ARHGEF37: variants seen among roughly 807,000 people sequenced by gnomAD.
The protein encoded by ARHGEF37 is Rho guanine nucleotide exchange factor (GEF) 37.
ARHGEF37 carries 55 observed loss-of-function variants against 71.1 expected under a neutral mutation model. The ratio of observed to expected loss-of-function variants is 0.77; its 90% CI spans 0.62 to 0.97. The LOEUF is 0.97. ARHGEF37 is among the 50% of genes least tolerant of loss of function. ARHGEF37 has a pLI of 0.00. For missense variants in ARHGEF37, 765 were observed against 836.8 expected, an observed-to-expected ratio of 0.91 and a Z score of 1.06; for synonymous variants, 327 against 350.6, an observed-to-expected ratio of 0.93 and a Z score of 0.75.
intron 2 of ARHGEF37, among the ~76,000 whole-genome samples, chr5:149,598,350 C>T (rs1403573561): frequency 1.0e-5 from 1 of 99,268 alleles, no homozygotes; most frequent in Non-Finnish European, 2.0e-5. Context: ...TCTTCCTCTT[C>T]TTCTTCCTCT....
intron 1 of ARHGEF37, among the ~76,000 whole-genome samples, chr5:149,589,489 G>T (rs1450630035): frequency 6.6e-6 from 1 of 151,860 alleles, no homozygotes; most frequent in African/African-American, 2.4e-5. Flanking sequence ...CACCATGCCT[G>T]GCTAATTTTT....
At chr5:149,568,275 C>A (rs1352095783) in intron 1 of ARHGEF37, among the ~76,000 whole-genome samples, 1 of 152,104 alleles carries the variant, frequency 6.6e-6, no homozygotes, top group African/African-American at 2.4e-5. Context: ...AGTACTCCTG[C>A]CTTGGCCTCC....
chr5:149,627,443 C>T (rs72828312), intron 11 of ARHGEF37, among the ~76,000 whole-genome samples, 172 bp downstream of exon 11: 3 of 152,272 alleles, frequency 2.0e-5, no homozygotes, highest in South Asian at 2.1e-4. Flanking sequence ...AGAGTGACTC[C>T]GTGGGACATG....
chr5:149,624,649 C>CTGTAA (rs5872139), intron 10 of ARHGEF37, among the ~76,000 whole-genome samples: 108,837 of 151,558 alleles, frequency 0.72, 39,394 homozygotes, highest in Middle Eastern at 0.87. Flanking sequence ...TGGTGTGCAC[C>CTGTAA]TCCCAGCTAC....
upstream of ARHGEF37, among the ~76,000 whole-genome samples, chr5:149,578,712 T>A (rs1763053608): frequency 6.6e-6 from 1 of 152,230 alleles, no homozygotes; most frequent in African/African-American, 2.4e-5. Context: ...GAACCCTTTT[T>A]TCTTTGGATT....
intron 1 of ARHGEF37, among the ~76,000 whole-genome samples, chr5:149,562,917 A>T (rs927489880): frequency 2.0e-5 from 3 of 152,134 alleles, no homozygotes; most frequent in African/African-American, 4.8e-5. Context: ...ATTTGACTTA[A>T]ATCATCCCCC....
chr5:149,624,623 A>G (rs1192708631), intron 10 of ARHGEF37, among the ~76,000 whole-genome samples: 2 of 129,662 alleles, frequency 1.5e-5, no homozygotes, highest in African/African-American at 6.2e-5. Context: ...AAAATACAAA[A>G]ATTAGCTGAG....
intron 1 of ARHGEF37, among the ~76,000 whole-genome samples, chr5:149,575,671 ATTTTTTTTT>A (rs751297275): frequency 1.1e-4 from 12 of 107,302 alleles, no homozygotes; most frequent in African/African-American, 3.7e-4. Flanking sequence ...CCAAATGACT[ATTTTTTTTT>A]TTTTTTTTTT....
chr5:149,626,789 G>C (rs528312188), intron 10 of ARHGEF37: 2 of 273,612 alleles, frequency 7.3e-6, no homozygotes, highest in Admixed American at 4.9e-5. Context: ...GGTATGGGCA[G>C]AATTTAGGGC....
chr5:149,620,691 C>T (rs1752515153), intron 8 of ARHGEF37, among the ~76,000 whole-genome samples: 1 of 151,970 alleles, frequency 6.6e-6, no homozygotes, highest in South Asian at 2.1e-4. Flanking sequence ...ATTAGCCGGG[C>T]ATGGCAGTGT....
chr5:149,586,082 A>G (rs1763229521), intron 1 of ARHGEF37, among the ~76,000 whole-genome samples: 1 of 152,240 alleles, frequency 6.6e-6, no homozygotes, highest in African/African-American at 2.4e-5. Flanking sequence ...TAATAGACAC[A>G]TGATCCCTGC....
intron 2 of ARHGEF37, among the ~76,000 whole-genome samples, chr5:149,598,366 T>TTCTTCC (rs1025650872): frequency 3.5e-5 from 4 of 115,154 alleles, no homozygotes; most frequent in Non-Finnish European, 5.6e-5. Context: ...CCTCTTCCTC[T>TTCTTCC]TCTTCCTCTT....
Position 149,618,939 on chromosome 5 carries a change from C to A in ARHGEF37, c.791C>A (p.Thr264Lys), listed in dbSNP as rs1481611566. The change falls in exon 7 of 13, where the codon ACA becomes AAA. Residue 264 changes from threonine (T) to lysine (K), a missense_variant and splice_region_variant. Transcript: ENST00000333677. ...AACCCTCACACACATTACTTTCAGA[C>A]AGAAGACAAGGAATTTGATGATTTA... ...LKQEAGLIPR[T>K]EDKEFDDLEE... The A allele has an allele frequency of 3.1e-6, 5 of 1,612,732 alleles. No homozygotes were observed. The highest frequency in any genetic ancestry group is 3.3e-5 in the Admixed American group (2 of 60,000).
intron 5 of ARHGEF37, 82 bp from the exon 6 acceptor site, chr5:149,618,094 G>T: frequency 1.3e-6 from 2 of 1,576,212 alleles, no homozygotes; most frequent in Non-Finnish European, 1.7e-6. Context: ...GCCCAAGCAG[G>T]TGCCCAGCCG....
At chr5:149,615,029 G>A (rs866987011) in intron 4 of ARHGEF37, among the ~76,000 whole-genome samples, 13 of 152,202 alleles carry the variant, frequency 8.5e-5, no homozygotes, top group African/African-American at 3.1e-4. Context: ...CTTCCCGGAT[G>A]CTATTGACTT....
intron 1 of ARHGEF37, among the ~76,000 whole-genome samples, chr5:149,585,274 C>A (rs993225920): frequency 1.3e-5 from 2 of 152,162 alleles, no homozygotes; most frequent in African/African-American, 4.8e-5. Flanking sequence ...GTTAAATATA[C>A]ACTTATCATG....
intron 1 of ARHGEF37, among the ~76,000 whole-genome samples, chr5:149,584,037 G>A (rs1763171804): frequency 6.6e-6 from 1 of 152,156 alleles, no homozygotes; most frequent in African/African-American, 2.4e-5. Flanking sequence ...TGGGATTACA[G>A]GCATGAGCCA....
At chr5:149,575,488 G>A (rs1220266327) in intron 1 of ARHGEF37, among the ~76,000 whole-genome samples, 1 of 152,156 alleles carries the variant, frequency 6.6e-6, no homozygotes, top group African/African-American at 2.4e-5. Flanking sequence ...CTAGGCCAGT[G>A]ATTGGTTTAG....
chr5:149,628,804 C>A lies in ARHGEF37; in HGVS notation c.1661-5C>A. ...CAGCCTGCTAACCTTCTGCATGCTC[C>A]CTAGGACATCGTGGGTATGTGCCGG... On this transcript the variant is annotated splice_region_variant and splice_polypyrimidine_tract_variant and intron_variant, in intron 11 of 12. Transcript: ENST00000333677. 1 of 1,611,616 alleles carries A rather than the reference C, an allele frequency of 6.2e-7. No homozygotes were observed. The highest frequency in any genetic ancestry group is 8.5e-7 in the Non-Finnish European group (1 of 1,178,990).
Sources: gnomAD v4.1 joint callset for allele counts (sites outside exome capture counted in the v4.1 genomes callset) on GRCh38, gnomAD v4.1.1 for gene constraint, MANE v1.5 for transcripts, NCBI Gene and HGNC (gene_info 2026-07-23, HGNC 2026-07-21) for gene names.